Variants in NF1 observed in about 807,000 individuals in gnomAD.
NF1 encodes neurofibromin 1, also known as neurofibromin.
Under a neutral mutation model 325.7 loss-of-function variants are expected in NF1, and 122 were observed. The ratio of observed to expected loss-of-function variants is 0.37; its 90% CI spans 0.32 to 0.44. NF1 has a LOEUF of 0.44. Ranked by LOEUF, NF1 falls within the 20% of genes least tolerant of loss-of-function variation. The pLI, the probability that NF1 is intolerant of heterozygous loss-of-function variation, is 1.00. For missense variants in NF1, 2,140 were observed against 3,415.4 expected, an observed-to-expected ratio of 0.63 and a Z score of 9.31; for synonymous variants, 1,091 against 1,186.0, an observed-to-expected ratio of 0.92 and a Z score of 1.65.
intron 17 of NF1, 129 bp from the exon 18 acceptor site, chr17:31,226,306 A>G: frequency 2.0e-6 from 2 of 978,008 alleles, no homozygotes; most frequent in African/African-American, 2.7e-5. Flanking sequence ...CTTGTGAGTT[A>G]TTGTATGCGG....
At position 31,218,969 on chromosome 17, in the gene NF1, A is replaced by ATT. The variant is rs398119783; in HGVS notation, c.1528-30_1528-29dup. 2.6e-5 allele frequency: 40 copies of ATT among 1,532,778 alleles called. 1 individual carries two copies. The highest frequency in any genetic ancestry group is 4.7e-5 in the East Asian group (2 of 42,446). 94.9% of individuals were successfully genotyped at this position (1,532,778 alleles called of 1,614,324 possible). ...CCTTCTAATCTCTCTCGATTTATTT[A>ATT]TTTTTTTAATTGAAGTTTCCTTTTT... On this transcript the variant is annotated intron_variant, in intron 13 of 57. Transcript: ENST00000358273.
At chr17:31,260,996 A>G (rs1286778185) in intron 34 of NF1, among the ~76,000 whole-genome samples, 4 of 152,202 alleles carry the variant, frequency 2.6e-5, no homozygotes, top group Non-Finnish European at 5.9e-5. Flanking sequence ...TAATCTCAGC[A>G]CTTTGGGTGG....
At chr17:31,172,704 A>G (rs1230661875) in intron 5 of NF1, among the ~76,000 whole-genome samples, 1 of 152,154 alleles carries the variant, frequency 6.6e-6, no homozygotes, top group Non-Finnish European at 1.5e-5. Flanking sequence ...TCGTCTCTAG[A>G]ACCTAGATAC....
intron 38 of NF1, among the ~76,000 whole-genome samples, chr17:31,329,137 A>G (rs1245637025): frequency 1.3e-5 from 2 of 152,218 alleles, no homozygotes; most frequent in Admixed American, 6.5e-5. Context: ...TAGCCAATGC[A>G]CACCAGCCTG....
Position 31,357,028 on chromosome 17 carries a change from G to A in NF1, c.7807G>A (p.Val2603Ile), listed in dbSNP as rs766135206. Residue 2603 changes from valine (V) to isoleucine (I), a missense_variant, in exon 53 of 58, where the codon GTT (valine) becomes ATT (isoleucine). This residue lies in a region of NF1 where 522 missense variants were observed against 749.0 expected (regional missense o/e 0.70). Transcript: ENST00000358273. ...TAAAGTTTCAGTGTCTGAATCAAAT[G>A]TTCTCTTGGATGAAGAAGTACTTAC... ...LRKVSVSESNVLLDEEVLTDP... is the reference protein window; with the variant it reads ...LRKVSVSESNILLDEEVLTDP... 1.2e-6 allele frequency: 2 copies of A among 1,613,942 alleles called. No individual in the cohort carries two copies. The highest frequency in any genetic ancestry group is 1.1e-5 in the South Asian group (1 of 91,074).
chr17:31,246,022 TTTTA>T (rs2067384103), intron 29 of NF1, among the ~76,000 whole-genome samples: 1 of 152,062 alleles, frequency 6.6e-6, no homozygotes, highest in African/African-American at 2.4e-5. Context: ...ATTCCAAGGG[TTTTA>T]AGAGCAATGT....
chr17:31,162,954 G>A (rs2065787654), intron 3 of NF1, among the ~76,000 whole-genome samples: 1 of 152,118 alleles, frequency 6.6e-6, no homozygotes, highest in South Asian at 2.1e-4. Flanking sequence ...ATGGCAGGGG[G>A]ATTGAACTTT....
chr17:31,305,272 G>A lies in NF1; in HGVS notation c.4836-20548G>A, dbSNP rs781384375. On this transcript the variant is annotated intron_variant, in intron 36 of 57. Coordinates refer to ENST00000358273, the MANE Select transcript of NF1 (RefSeq NM_001042492.3). The stretch of plus-strand genomic sequence containing the variant: ...CACGGCTTGCTGGGAGGAGGTGTTG[G>A]CTATTGGTGTTGGTTGTTTGGTGTT... The A allele has an allele frequency of 3.3e-5, 54 of 1,614,042 alleles. 1 individual carries two copies. In the South Asian group the frequency reaches 5.8e-4, roughly 17 times the overall value.
At chr17:31,252,375 CT>C (rs1206947948) in intron 30 of NF1, 8 of 198,810 alleles carry the variant, frequency 4.0e-5, no homozygotes, top group African/African-American at 1.8e-4. Flanking sequence ...TAAGAGTAAT[CT>C]TTTTTAGAGA....
chr17:31,256,502 A>G (rs940010119), intron 31 of NF1, among the ~76,000 whole-genome samples: 1 of 152,192 alleles, frequency 6.6e-6, no homozygotes, highest in Admixed American at 6.5e-5. Context: ...ATGATGGTCT[A>G]TGAATATTCT....
intron 36 of NF1, chr17:31,304,450 T>C: frequency 1.9e-6 from 3 of 1,614,182 alleles, no homozygotes; most frequent in Non-Finnish European, 2.5e-6. Context: ...CTCAGATTTA[T>C]GATCTCCACA....
intron 8 of NF1, among the ~76,000 whole-genome samples, chr17:31,198,070 T>C (rs2066465919): frequency 6.6e-6 from 1 of 152,220 alleles, no homozygotes; most frequent in Non-Finnish European, 1.5e-5. Flanking sequence ...GTGGAGTTTC[T>C]TCTTCATTCT....
chr17:31,240,030 C>T (rs1325944738), intron 29 of NF1, among the ~76,000 whole-genome samples: 3 of 152,224 alleles, frequency 2.0e-5, no homozygotes, highest in Non-Finnish European at 4.4e-5. Context: ...TCCCAAAGTG[C>T]TGTGATTACA....
At chr17:31,237,479 G>C (rs1329655399) in intron 29 of NF1, among the ~76,000 whole-genome samples, 1 of 151,880 alleles carries the variant, frequency 6.6e-6, no homozygotes, top group African/African-American at 2.4e-5. Flanking sequence ...GTTTTGCCTT[G>C]TTGCCCAGGC....
Position 31,343,155 on chromosome 17 carries a change from A to C in NF1, c.7189+20A>C, listed in dbSNP as rs1339496737. 6 of 1,596,400 alleles carry C rather than the reference A, an allele frequency of 3.8e-6. No homozygotes were observed. Among genetic ancestry groups the C allele is most frequent in the Non-Finnish European group, 5.2e-6 (6 of 1,164,538 alleles). Reference sequence around the variant, plus strand: ...TAAAAGGTAAAAAAGCCTTATTTAGAATATTTTTATGAAGTACTATTAAGA... The same window carrying C: ...TAAAAGGTAAAAAAGCCTTATTTAGCATATTTTTATGAAGTACTATTAAGA... On this transcript the variant is annotated intron_variant, in intron 48 of 57. Transcript: ENST00000358273.
chr17:31,210,260 A>C (rs1298649415), intron 12 of NF1, among the ~76,000 whole-genome samples: 2 of 152,258 alleles, frequency 1.3e-5, no homozygotes, highest in South Asian at 4.1e-4. Flanking sequence ...TGAATGAAGG[A>C]ATGAATTTCT....
intron 29 of NF1, among the ~76,000 whole-genome samples, chr17:31,240,375 CT>C (rs2151442332): frequency 6.6e-6 from 1 of 152,264 alleles, no homozygotes; most frequent in Admixed American, 6.5e-5. Flanking sequence ...ACATCATAAC[CT>C]TCAGTTCCAT....
intron 1 of NF1, among the ~76,000 whole-genome samples, chr17:31,119,320 T>C (rs1914235112): frequency 6.6e-6 from 1 of 152,120 alleles, no homozygotes; most frequent in Admixed American, 6.6e-5. Context: ...CTGACTGGTG[T>C]GAGATGGTAT....
At chr17:31,137,560 G>T (rs750486152) in intron 1 of NF1, 3 of 152,104 alleles carry the variant, frequency 2.0e-5, no homozygotes, top group Non-Finnish European at 2.9e-5. Flanking sequence ...TCCCATGCTA[G>T]TGTTTAGAAT....
Sources: allele counts gnomAD v4.1 joint callset (sites outside exome capture counted in the v4.1 genomes callset), GRCh38; gene constraint gnomAD v4.1.1; regional missense constraint gnomAD v4.1.1; transcripts MANE v1.5; gene names NCBI Gene and HGNC (gene_info 2026-07-23, HGNC 2026-07-21).